CCDC112: variants seen among roughly 807,000 people sequenced by gnomAD.
CCDC112 encodes coiled-coil domain containing 112, also known as coiled-coil domain-containing protein 112.
Under a neutral mutation model 66.3 loss-of-function variants are expected in CCDC112, and 40 were observed. The observed-to-expected ratio is 0.60, with a 90% confidence interval of 0.47 to 0.79. The LOEUF is 0.79. Among genes scored for constraint, CCDC112 ranks in the 30% least tolerant of loss-of-function variants. The pLI, the probability that CCDC112 is intolerant of heterozygous loss-of-function variation, is 0.00. For missense variants in CCDC112, 659 were observed against 603.8 expected, an observed-to-expected ratio of 1.09 and a Z score of -0.96; for synonymous variants, 214 against 197.2, an observed-to-expected ratio of 1.09 and a Z score of -0.71.
intron 7 of CCDC112, 85 bp from the exon 8 acceptor site, chr5:115,269,883 T>C: frequency 1.4e-6 from 1 of 734,512 alleles, no homozygotes; most frequent in East Asian, 2.8e-5. Flanking sequence ...AAAATTAAAT[T>C]ACCTTACCTA....
chr5:115,268,889 G>A lies in CCDC112; in HGVS notation c.1540C>T (p.Pro514Ser). ...ATTCTAACTCTTTCTTACCTATGTG[G>A]GATATGTAGAAGTGGCCCAGAGCCT... ...PTGSGPLLHIPHRAIPTWRQG... is the reference protein window; with the variant it reads ...PTGSGPLLHISHRAIPTWRQG... The change falls in exon 9 of 10, where the codon CCA (proline) becomes TCA (serine). Residue 514 changes from proline (P) to serine (S), a missense_variant. Coordinates refer to ENST00000379611, the MANE Select transcript of CCDC112 (RefSeq NM_001040440.3). The A allele has an allele frequency of 6.4e-7, 1 of 1,571,858 alleles. No homozygotes were observed. Among genetic ancestry groups the A allele is most frequent in the Non-Finnish European group, 8.7e-7 (1 of 1,155,048 alleles).
At chr5:115,288,012 C>A (rs904992593) in intron 1 of CCDC112, among the ~76,000 whole-genome samples, 8 of 151,270 alleles carry the variant, frequency 5.3e-5, no homozygotes, top group African/African-American at 2.0e-4. Flanking sequence ...CGGAGTTTTG[C>A]TCTTGTCATC....
intron 1 of CCDC112, 62 bp from the exon 2 acceptor site, chr5:115,284,970 T>G (rs1749615832): frequency 1.4e-6 from 2 of 1,478,588 alleles, no homozygotes; most frequent in Admixed American, 3.7e-5. Context: ...ATGTGGAATT[T>G]TTTCAGAGAG....
At chr5:115,269,080 G>T in intron 8 of CCDC112, 80 bp from the exon 9 acceptor site, 1 of 720,702 alleles carries the variant, frequency 1.4e-6, no homozygotes, top group Non-Finnish European at 2.2e-6. Flanking sequence ...CCTTAGTGCA[G>T]TTTTAAAAGA....
intron 3 of CCDC112, 47 bp from the exon 4 acceptor site, chr5:115,277,101 G>A: frequency 8.7e-7 from 1 of 1,153,000 alleles, no homozygotes; most frequent in Non-Finnish European, 1.3e-6. Context: ...TGACAAATGT[G>A]GTTACAATTC....
At chr5:115,288,195 G>A (rs1454767562) in intron 1 of CCDC112, among the ~76,000 whole-genome samples, 2 of 152,274 alleles carry the variant, frequency 1.3e-5, no homozygotes, top group South Asian at 2.1e-4. Flanking sequence ...TGGCCAGGCT[G>A]GTCTCGAACT....
At chr5:115,293,283 A>G (rs1750013507) in intron 1 of CCDC112, among the ~76,000 whole-genome samples, 1 of 152,204 alleles carries the variant, frequency 6.6e-6, no homozygotes, top group Admixed American at 6.5e-5. Context: ...ATACTCAGTA[A>G]TAATGTATTG....
At chr5:115,272,065 T>C (rs1002279114) in intron 6 of CCDC112, among the ~76,000 whole-genome samples, 6 of 151,836 alleles carry the variant, frequency 4.0e-5, no homozygotes, top group Non-Finnish European at 1.5e-5. Flanking sequence ...GCTGGGATTA[T>C]AGGCACCAGC....
Position 115,291,142 on chromosome 5 carries a change from T to C in CCDC112, c.117+5285A>G, listed in dbSNP as rs1749911594. On this transcript the variant is annotated intron_variant, in intron 1 of 9. Coordinates refer to ENST00000379611, the MANE Select transcript of CCDC112 (RefSeq NM_001040440.3). ...CCTCTATCAGGTTGAGAAAGTTCTC[T>C]TCTATTGACAGTTTGTTGACTGGAT... 4.6e-5 allele frequency among the ~76,000 whole-genome samples: 7 copies of C among 152,152 alleles called. No individual in the cohort carries two copies. The South Asian group carries it at 1.4e-3, about 31-fold the overall frequency.
chr5:115,276,581 G>A (rs998412366), intron 4 of CCDC112, among the ~76,000 whole-genome samples: 6 of 152,008 alleles, frequency 3.9e-5, no homozygotes, highest in African/African-American at 1.4e-4. Context: ...GCAAATGAAG[G>A]GAAAACACTG....
At chr5:115,269,077 GCA>G (rs1561492539) in intron 8 of CCDC112, 77 bp from the exon 9 acceptor site, 2 of 774,876 alleles carry the variant, frequency 2.6e-6, no homozygotes, top group Middle Eastern at 2.5e-4. Flanking sequence ...AAGCCTTAGT[GCA>G]GTTTTAAAAG....
At chr5:115,292,564 C>T (rs968952196) in intron 1 of CCDC112, among the ~76,000 whole-genome samples, 1 of 152,188 alleles carries the variant, frequency 6.6e-6, no homozygotes, top group African/African-American at 2.4e-5. Context: ...TGTCTCATAA[C>T]TTTGTTAAAG....
chr5:115,267,984 G>A (rs912324744), intron 9 of CCDC112, 66 bp from the exon 10 acceptor site: 28 of 1,242,166 alleles, frequency 2.3e-5, no homozygotes, highest in Non-Finnish European at 3.3e-5. Flanking sequence ...AACCCTATCT[G>A]ATTAAGTGCT....
chr5:115,284,389 C>T (rs1466573584), intron 2 of CCDC112, among the ~76,000 whole-genome samples: 1 of 152,030 alleles, frequency 6.6e-6, no homozygotes, highest in African/African-American at 2.4e-5. Flanking sequence ...ATTTATAAAA[C>T]ATTATAAAAC....
intron 1 of CCDC112, among the ~76,000 whole-genome samples, chr5:115,292,839 G>T (rs1438203264): frequency 6.6e-6 from 1 of 152,170 alleles, no homozygotes; most frequent in Non-Finnish European, 1.5e-5. Flanking sequence ...GCATGCTGAA[G>T]CATACCTCCT....
At chr5:115,280,722 A>AT (rs1049669908) in intron 2 of CCDC112, among the ~76,000 whole-genome samples, 58 of 147,846 alleles carry the variant, frequency 3.9e-4, no homozygotes, top group East Asian at 1.4e-3. Context: ...TGCCCAGCTA[A>AT]TTTTTTTTTT....
intron 1 of CCDC112, among the ~76,000 whole-genome samples, chr5:115,288,619 C>G (rs1749787261): frequency 1.3e-5 from 2 of 152,106 alleles, no homozygotes; most frequent in Admixed American, 1.3e-4. Flanking sequence ...TTAAAATGTT[C>G]AAGACATTAA....
At position 115,268,874 on chromosome 5, in the gene CCDC112, T is replaced by C. The variant is rs755157214; in HGVS notation, c.1547+8A>G. 6.6e-7 allele frequency: 1 copy of C among 1,524,814 alleles called. No individual in the cohort carries two copies. Among genetic ancestry groups the C allele is most frequent in the South Asian group, 1.2e-5 (1 of 81,840 alleles). 94.5% of individuals were successfully genotyped at this position (1,524,814 alleles called of 1,614,324 possible). A position where few individuals can be genotyped will look rare whatever the true frequency, so the allele number is the denominator to read the frequency against. ...ACTAAATGAACACCAATTCTAACTCTTTCTTACCTATGTGGGATATGTAGA... is the reference window on the plus strand; with the variant it reads ...ACTAAATGAACACCAATTCTAACTCCTTCTTACCTATGTGGGATATGTAGA... On this transcript the variant is annotated splice_region_variant and intron_variant, in intron 9 of 9. Transcript: ENST00000379611.
intron 1 of CCDC112, among the ~76,000 whole-genome samples, chr5:115,287,998 G>A (rs185760582): frequency 1.1e-3 from 157 of 148,292 alleles, no homozygotes; most frequent in African/African-American, 3.7e-3. Flanking sequence ...TTTTCCCCCC[G>A]AGACGGAGTT....
Sources: gnomAD v4.1 joint callset for allele counts (sites outside exome capture counted in the v4.1 genomes callset) on GRCh38, gnomAD v4.1.1 for gene constraint, MANE v1.5 for transcripts, NCBI Gene and HGNC (gene_info 2026-07-23, HGNC 2026-07-21) for gene names.